TANC1: variants seen among roughly 807,000 people sequenced by gnomAD.
TANC1 encodes protein TANC1.
Under a neutral mutation model 149.7 loss-of-function variants are expected in TANC1, and 77 were observed. That is an observed-to-expected ratio of 0.51 (90% confidence interval 0.43 to 0.62). TANC1 has a LOEUF of 0.62. Among genes scored for constraint, TANC1 ranks in the 20% least tolerant of loss-of-function variants. TANC1 has a pLI of 0.00. For missense variants in TANC1, 1,985 were observed against 2,321.8 expected (o/e 0.85, Z 2.98); for synonymous variants, 854 against 925.0 (o/e 0.92, Z 1.39).
At chr2:159,078,818 C>G (rs184399228) in intron 3 of TANC1, among the ~76,000 whole-genome samples, 2 of 152,296 alleles carry the variant, frequency 1.3e-5, no homozygotes, top group East Asian at 3.9e-4. Flanking sequence ...AATATGCCTA[C>G]AGTTTTCTTT....
At chr2:159,053,321 A>G (rs1459342617) in intron 2 of TANC1, among the ~76,000 whole-genome samples, 1 of 152,066 alleles carries the variant, frequency 6.6e-6, no homozygotes, top group Non-Finnish European at 1.5e-5. Context: ...GTCCTTGCCC[A>G]TATGCCCTTT....
Position 159,229,968 on chromosome 2 carries a change from G to T in TANC1, c.4542G>T (p.Leu1514=). 2 of 1,614,040 alleles carry T rather than the reference G, an allele frequency of 1.2e-6. No individual in the cohort carries two copies. The highest frequency in any genetic ancestry group is 1.7e-6 in the Non-Finnish European group (2 of 1,180,030). Residue 1514 remains leucine, a synonymous_variant, in exon 27 of 27, where the codon CTG becomes CTT. Coordinates refer to ENST00000263635, the MANE Select transcript of TANC1 (RefSeq NM_033394.3). The part of the protein sequence containing the change: ...PQSRAGIGKS[L]REPVAQPGLL... ...GCAGGGCAGGAATCGGCAAGTCCCT[G>T]AGAGAGCCTGTGGCCCAGCCAGGGC...
chr2:159,195,586 T>A (rs2057782642), intron 17 of TANC1, among the ~76,000 whole-genome samples: 1 of 152,226 alleles, frequency 6.6e-6, no homozygotes, highest in African/African-American at 2.4e-5. Flanking sequence ...TTCAAAAAAA[T>A]TAGGCTTATA....
chr2:159,202,152 C>T (rs376230753), intron 19 of TANC1, among the ~76,000 whole-genome samples: 2 of 152,164 alleles, frequency 1.3e-5, no homozygotes, highest in South Asian at 4.1e-4. Context: ...ACAGCAGCCC[C>T]GTGGAGGTCC....
intron 1 of TANC1, among the ~76,000 whole-genome samples, chr2:158,973,187 A>G (rs1336453390): frequency 6.6e-6 from 1 of 152,144 alleles, no homozygotes; most frequent in Non-Finnish European, 1.5e-5. Context: ...ACATGAGGGA[A>G]TTTATTAGGG....
At chr2:159,138,751 C>A (rs2150224765) in intron 5 of TANC1, among the ~76,000 whole-genome samples, 1 of 152,300 alleles carries the variant, frequency 6.6e-6, no homozygotes, top group South Asian at 2.1e-4. Flanking sequence ...CAGTATTCAC[C>A]AGACTAACAG....
intron 1 of TANC1, among the ~76,000 whole-genome samples, chr2:158,984,959 C>T (rs939947813): frequency 6.6e-6 from 1 of 152,132 alleles, no homozygotes; most frequent in Admixed American, 6.5e-5. Context: ...ATCCTGTAAG[C>T]AAGTGATAGC....
chr2:159,123,605 G>A (rs921326826), intron 4 of TANC1, among the ~76,000 whole-genome samples: 1 of 152,154 alleles, frequency 6.6e-6, no homozygotes. Context: ...ACTGTACTGA[G>A]TAAATATTGG....
intron 4 of TANC1, among the ~76,000 whole-genome samples, chr2:159,105,969 TTAAAA>T (rs1184079799): frequency 5.5e-5 from 7 of 127,384 alleles, no homozygotes; most frequent in Admixed American, 5.2e-4. Flanking sequence ...TCATGTATGT[TTAAAA>T]AAAAAAAACT....
intron 2 of TANC1, among the ~76,000 whole-genome samples, chr2:159,002,352 G>A (rs187454270): frequency 1.3e-5 from 2 of 152,160 alleles, no homozygotes; most frequent in African/African-American, 4.8e-5. Flanking sequence ...AACGTAGGGA[G>A]GGGGTGGCAG....
chr2:159,163,834 T>C (rs1486876758), intron 8 of TANC1, among the ~76,000 whole-genome samples: 1 of 151,798 alleles, frequency 6.6e-6, no homozygotes, highest in African/African-American at 2.4e-5. Flanking sequence ...TCGGTTTTTG[T>C]TTTAAGCCTT....
At chr2:159,180,822 C>G (rs1055460426) in intron 14 of TANC1, among the ~76,000 whole-genome samples, 1 of 152,160 alleles carries the variant, frequency 6.6e-6, no homozygotes, top group African/African-American at 2.4e-5. Context: ...ATTGTTGGGA[C>G]AAGGACCCTG....
chr2:159,082,870 G>A (rs1239908016), intron 3 of TANC1, among the ~76,000 whole-genome samples: 2 of 152,168 alleles, frequency 1.3e-5, no homozygotes, highest in Non-Finnish European at 1.5e-5. Flanking sequence ...GGTTCACCTA[G>A]GCCCTTGTGA....
chr2:159,012,066 G>A (rs568678894), intron 2 of TANC1, among the ~76,000 whole-genome samples: 1 of 152,270 alleles, frequency 6.6e-6, no homozygotes, highest in South Asian at 2.1e-4. Context: ...TAAGCTAGAG[G>A]GGTGCTGTCC....
Position 158,985,930 on chromosome 2 carries a change from C to T in TANC1, c.-125-15150C>T, listed in dbSNP as rs138047189. ...TGCTGCGATTATAAGCATGAGCGAC[C>T]GCACCCAGCTGACTGGGCCCCCTTT... On this transcript the variant is annotated intron_variant, in intron 1 of 26. Transcript: ENST00000263635. Among the ~76,000 whole-genome samples, 33 of 152,282 alleles carry T rather than the reference C, an allele frequency of 2.2e-4. 2 individuals carry two copies. The East Asian group carries it at 5.2e-3, about 24-fold the overall frequency.
chr2:159,069,633 G>A (rs923723619), intron 3 of TANC1, among the ~76,000 whole-genome samples: 1 of 152,060 alleles, frequency 6.6e-6, no homozygotes, highest in Admixed American at 6.6e-5. Context: ...GGAGTTTACA[G>A]TAGATATAAG....
chr2:159,049,174 G>A (rs1348155754), intron 2 of TANC1, among the ~76,000 whole-genome samples: 1 of 152,138 alleles, frequency 6.6e-6, no homozygotes, highest in Non-Finnish European at 1.5e-5. Flanking sequence ...ATCTATTATT[G>A]TGGAATTTAG....
Position 159,232,042 on chromosome 2 carries a change from C to T in TANC1, c.*1030C>T, listed in dbSNP as rs913486345. On this transcript the variant is annotated 3_prime_UTR_variant, in exon 27 of 27. Coordinates refer to ENST00000263635, the MANE Select transcript of TANC1 (RefSeq NM_033394.3). ...AAAACAAAAAAGAAAACCCCAGTCA[C>T]GATTTGCATGTTCTCTGTAAGCTTC... 6 of 152,554 alleles carry T rather than the reference C, an allele frequency of 3.9e-5. No homozygotes were observed. The highest frequency in any genetic ancestry group is 1.4e-4 in the African/African-American group (6 of 41,434). 9.5% of individuals were successfully genotyped at this position (152,554 alleles called of 1,614,324 possible). A position where few individuals can be genotyped will look rare whatever the true frequency, so the allele number is the denominator to read the frequency against.
intron 1 of TANC1, among the ~76,000 whole-genome samples, chr2:158,985,707 G>T (rs1442068094): frequency 2.0e-5 from 3 of 152,002 alleles, no homozygotes; most frequent in Non-Finnish European, 4.4e-5. Flanking sequence ...GCAGTGGCGT[G>T]ATCTCGGTTC....
Sources: gnomAD v4.1 joint callset for allele counts (sites outside exome capture counted in the v4.1 genomes callset) on GRCh38, gnomAD v4.1.1 for gene constraint, MANE v1.5 for transcripts, NCBI Gene and HGNC (gene_info 2026-07-23, HGNC 2026-07-21) for gene names.